Variants in LTBP1 observed in about 807,000 individuals in gnomAD.
The protein encoded by LTBP1 is latent-transforming growth factor beta-binding protein 1.
A neutral mutation model predicts 207.6 loss-of-function variants in LTBP1; 129 were observed. The ratio of observed to expected loss-of-function variants is 0.62; its 90% CI spans 0.54 to 0.72. LTBP1 has a LOEUF of 0.72. Among genes scored for constraint, LTBP1 ranks in the 30% least tolerant of loss-of-function variants. LTBP1 has a pLI of 0.00. For synonymous variants in LTBP1, 963 were observed against 833.7 expected, an observed-to-expected ratio of 1.16 and a Z score of -2.67; for missense variants, 2,281 against 2,217.2, an observed-to-expected ratio of 1.03 and a Z score of -0.58.
intron 26 of LTBP1, among the ~76,000 whole-genome samples, chr2:33,349,708 T>C (rs1418713839): frequency 2.6e-5 from 4 of 152,256 alleles, no homozygotes; most frequent in Non-Finnish European, 5.9e-5. Flanking sequence ...TTTCTTTTAC[T>C]GAATCAACTT....
chr2:33,266,902 A>G lies in LTBP1; in HGVS notation c.2617+3510A>G, dbSNP rs573986473. ...GCTATGACACAAACGGGGCTGAAAC[A>G]TGACCCCCCCACTCACCATGTTGAG... On this transcript the variant is annotated intron_variant, in intron 15 of 33. Coordinates refer to ENST00000404816, the MANE Select transcript of LTBP1 (RefSeq NM_206943.4). Among the ~76,000 whole-genome samples the G allele has an allele frequency of 2.2e-3, 340 of 152,284 alleles. 2 individuals carry two copies. The highest frequency in any genetic ancestry group is 7.9e-3 in the African/African-American group (327 of 41,578).
chr2:32,960,356 A>G (rs914091953), intron 2 of LTBP1, among the ~76,000 whole-genome samples: 7 of 152,092 alleles, frequency 4.6e-5, no homozygotes, highest in Non-Finnish European at 1.0e-4. Flanking sequence ...TACTATAGCC[A>G]TCTTTTTGTC....
chr2:33,345,619 G>A (rs768915246), intron 25 of LTBP1, among the ~76,000 whole-genome samples: 10 of 152,220 alleles, frequency 6.6e-5, no homozygotes, highest in Non-Finnish European at 1.3e-4. Context: ...TTTTTCACAA[G>A]TGAAACCAGT....
chr2:33,138,297 A>G (rs919315467), intron 5 of LTBP1, among the ~76,000 whole-genome samples: 1 of 152,204 alleles, frequency 6.6e-6, no homozygotes, highest in African/African-American at 2.4e-5. Flanking sequence ...ATGCAACTCT[A>G]AAAGTGAGGC....
intron 24 of LTBP1, among the ~76,000 whole-genome samples, chr2:33,327,429 T>G (rs764653833): frequency 2.6e-5 from 4 of 152,196 alleles, no homozygotes; most frequent in Non-Finnish European, 5.9e-5. Flanking sequence ...TCTACAAGAC[T>G]AAAGAACAAT....
intron 5 of LTBP1, among the ~76,000 whole-genome samples, chr2:33,172,274 A>G (rs1159488493): frequency 1.3e-5 from 2 of 152,212 alleles, no homozygotes; most frequent in African/African-American, 4.8e-5. Flanking sequence ...ACGTGCAGAG[A>G]CACACATAGA....
intron 2 of LTBP1, among the ~76,000 whole-genome samples, chr2:33,004,816 A>AT (rs1558501569): frequency 2.8e-5 from 2 of 72,042 alleles, no homozygotes; most frequent in African/African-American, 8.0e-5. Flanking sequence ...TATATATATA[A>AT]ACATAAAATT....
At chr2:33,120,250 G>A (rs764167586) in intron 4 of LTBP1, among the ~76,000 whole-genome samples, 15 of 150,144 alleles carry the variant, frequency 1.0e-4, no homozygotes, top group Non-Finnish European at 1.9e-4. Flanking sequence ...GTAAACACGT[G>A]TCACGGGGTT....
At position 33,147,657 on chromosome 2, in the gene LTBP1, C is replaced by T. The variant is rs182427734; in HGVS notation, c.1201+12697C>T. Among the ~76,000 whole-genome samples the T allele has an allele frequency of 3.2e-3, 482 of 152,292 alleles. 2 individuals carry two copies. Among genetic ancestry groups the T allele is most frequent in the Non-Finnish European group, 3.4e-3 (232 of 68,022 alleles). On this transcript the variant is annotated intron_variant, in intron 5 of 33. Transcript: ENST00000404816. The stretch of plus-strand genomic sequence containing the variant: ...CTGCTCCTGTGAGGGCTGAGGTTTC[C>T]TCATTCTGCGAGGCAGCGTCTCAGG...
chr2:33,308,134 T>A (rs2094127258), intron 22 of LTBP1, among the ~76,000 whole-genome samples: 1 of 152,206 alleles, frequency 6.6e-6, no homozygotes, highest in South Asian at 2.1e-4. Flanking sequence ...ATAACTTAAA[T>A]CCTCACATTC....
chr2:33,203,027 C>G (rs576640482), intron 7 of LTBP1, among the ~76,000 whole-genome samples: 1 of 152,076 alleles, frequency 6.6e-6, no homozygotes, highest in South Asian at 2.1e-4. Flanking sequence ...CACTCAAGTA[C>G]TCCTTTGGCA....
chr2:33,121,766 T>A (rs1007207625), intron 4 of LTBP1, among the ~76,000 whole-genome samples: 2 of 152,232 alleles, frequency 1.3e-5, no homozygotes, highest in African/African-American at 4.8e-5. Flanking sequence ...ACTGACCTTT[T>A]GTGATTCGGT....
chr2:33,310,534 T>C (rs766571876), intron 23 of LTBP1, among the ~76,000 whole-genome samples: 1 of 152,186 alleles, frequency 6.6e-6, no homozygotes, highest in Non-Finnish European at 1.5e-5. Context: ...ATTTTGTGCA[T>C]GAGTAACTGA....
intron 3 of LTBP1, among the ~76,000 whole-genome samples, chr2:33,040,115 T>G (rs1001507131): frequency 2.0e-5 from 3 of 151,988 alleles, no homozygotes; most frequent in African/African-American, 7.3e-5. Flanking sequence ...GGAAGAAAAA[T>G]GAGCAAGAGT....
intron 10 of LTBP1, among the ~76,000 whole-genome samples, chr2:33,246,363 G>C (rs2092509269): frequency 2.6e-5 from 4 of 152,142 alleles, no homozygotes; most frequent in Admixed American, 2.6e-4. Context: ...AAGACAGAAG[G>C]AATTAGGGAA....
chr2:33,310,352 A>C (rs981898244), intron 23 of LTBP1, among the ~76,000 whole-genome samples: 2 of 152,190 alleles, frequency 1.3e-5, no homozygotes, highest in Non-Finnish European at 2.9e-5. Flanking sequence ...TAATCTTCCA[A>C]ACTGTACAGT....
chr2:33,253,670 G>A (rs778285784), intron 11 of LTBP1, among the ~76,000 whole-genome samples: 2 of 152,142 alleles, frequency 1.3e-5, no homozygotes, highest in African/African-American at 4.8e-5. Flanking sequence ...ACAGGGCCAT[G>A]TAGTGTCTTA....
At chr2:32,968,755 G>T (rs1680368558) in intron 2 of LTBP1, among the ~76,000 whole-genome samples, 1 of 142,186 alleles carries the variant, frequency 7.0e-6, no homozygotes, top group Non-Finnish European at 1.5e-5. Flanking sequence ...ACAGGGTCTT[G>T]CTCTGTTGCC....
rs796888294 is a variant in LTBP1, at chr2:33,326,465, C to T, written c.3730+11196C>T. Among the ~76,000 whole-genome samples, 119 of 151,178 alleles carry T rather than the reference C, an allele frequency of 7.9e-4. 2 individuals are homozygous for T. Among genetic ancestry groups the T allele is most frequent in the African/African-American group, 2.7e-3 (111 of 41,038 alleles). On this transcript the variant is annotated intron_variant, in intron 24 of 33. Transcript: ENST00000404816. ...ACTGAATGAGCTTGTTGATACAGTT[C>T]GAAATGTAAATGCTGGCATACTTTT... is the stretch of plus-strand genomic sequence containing the variant.
Sources: allele counts gnomAD v4.1 joint callset (sites outside exome capture counted in the v4.1 genomes callset), GRCh38; gene constraint gnomAD v4.1.1; transcripts MANE v1.5; gene names NCBI Gene and HGNC (gene_info 2026-07-23, HGNC 2026-07-21).